Variants in FOXP1 observed in about 807,000 individuals in gnomAD.
FOXP1 encodes the protein forkhead box P1.
Under a neutral mutation model 98.2 loss-of-function variants are expected in FOXP1, and 15 were observed. That is an observed-to-expected ratio of 0.15 (90% CI 0.10 to 0.24). The LOEUF is 0.24. FOXP1 is among the 10% of genes least tolerant of loss of function. The pLI is 1.00. For synonymous variants in FOXP1, 371 were observed against 314.5 expected (o/e 1.18, Z -1.90); for missense variants, 633 against 848.5 (o/e 0.75, Z 3.15).
intron 12 of FOXP1, among the ~76,000 whole-genome samples, chr3:71,009,806 T>G (rs1046094183): frequency 6.6e-6 from 1 of 152,060 alleles, no homozygotes; most frequent in Non-Finnish European, 1.5e-5. Flanking sequence ...TACAGTACAG[T>G]GGCATTATCA....
At chr3:71,217,329 T>C (rs139824903) in intron 5 of FOXP1, among the ~76,000 whole-genome samples, 1 of 152,318 alleles carries the variant, frequency 6.6e-6, no homozygotes, top group African/African-American at 2.4e-5. Context: ...CGCCTTGGCC[T>C]CGCAAAGTGC....
chr3:71,525,413 G>T (rs1157505614), intron 2 of FOXP1, among the ~76,000 whole-genome samples: 1 of 152,170 alleles, frequency 6.6e-6, no homozygotes, highest in African/African-American at 2.4e-5. Flanking sequence ...GGTTTCACTG[G>T]CTGGGCAATC....
chr3:71,364,785 T>C (rs1307496447), intron 3 of FOXP1, among the ~76,000 whole-genome samples: 1 of 152,210 alleles, frequency 6.6e-6, no homozygotes, highest in Non-Finnish European at 1.5e-5. Context: ...TTCTTCATGA[T>C]TAAAAAAGAA....
intron 3 of FOXP1, among the ~76,000 whole-genome samples, chr3:71,474,733 C>T (rs13075890): frequency 0.027 from 4,031 of 151,990 alleles, 98 homozygotes; most frequent in Middle Eastern, 0.048. Flanking sequence ...CATCTAGTTG[C>T]AGGAAAACAA....
At chr3:71,549,860 TAAAAAAAAAAA>T (rs55826932) in intron 2 of FOXP1, among the ~76,000 whole-genome samples, 24 of 59,944 alleles carry the variant, frequency 4.0e-4, no homozygotes, top group South Asian at 2.3e-3. Context: ...ATGCTGGGAG[TAAAAAAAAAAA>T]AAAAAAAAAA....
chr3:71,445,774 G>A (rs909006335), intron 3 of FOXP1, among the ~76,000 whole-genome samples: 6 of 146,970 alleles, frequency 4.1e-5, no homozygotes, highest in African/African-American at 7.7e-5. Flanking sequence ...TGCAACCCCC[G>A]CCTCCTGGGT....
intron 12 of FOXP1, among the ~76,000 whole-genome samples, chr3:71,010,828 C>T: frequency 7.6e-6 from 1 of 131,216 alleles, no homozygotes; most frequent in East Asian, 2.7e-4. Context: ...TGACAATAAC[C>T]CCCCCTCCCC....
chr3:71,051,253 G>T (rs1176501053), intron 9 of FOXP1, among the ~76,000 whole-genome samples: 1 of 152,018 alleles, frequency 6.6e-6, no homozygotes, highest in Non-Finnish European at 1.5e-5. Flanking sequence ...AGCAGCACCC[G>T]GTAGAGCGCC....
At chr3:71,092,853 G>A (rs1350225888) in intron 7 of FOXP1, among the ~76,000 whole-genome samples, 1 of 152,046 alleles carries the variant, frequency 6.6e-6, no homozygotes, top group East Asian at 1.9e-4. Flanking sequence ...AGGATATAGA[G>A]AGACACGTGA....
intron 2 of FOXP1, among the ~76,000 whole-genome samples, chr3:71,494,263 T>C (rs1284753603): frequency 6.6e-6 from 1 of 152,238 alleles, no homozygotes; most frequent in African/African-American, 2.4e-5. Flanking sequence ...GGTCAGGGCA[T>C]TAACCGATGC....
chr3:70,955,213 C>T lies in FOXP1; in HGVS notation c.*4034G>A, dbSNP rs918153374. 7.7e-5 allele frequency: 18 copies of T among 232,448 alleles called. No individual in the cohort carries two copies. Among genetic ancestry groups the T allele is most frequent in the Non-Finnish European group, 1.4e-4 (16 of 117,614 alleles). The allele number at this position is 232,448 out of a possible 1,614,324, so 14.4% of individuals were successfully genotyped here. A position where few individuals can be genotyped will look rare whatever the true frequency, so the allele number is the denominator to read the frequency against. ...GGAAAAGAGAGGAAATATTTTTTAA[C>T]TCTATTTTTTTTCATGAGGAAAAAA... is the stretch of plus-strand genomic sequence containing the variant. On this transcript the variant is annotated 3_prime_UTR_variant, in exon 21 of 21. Coordinates refer to ENST00000649528, the MANE Select transcript of FOXP1 (RefSeq NM_001349338.3).
At chr3:70,961,653 T>C (rs886764211) in intron 20 of FOXP1, among the ~76,000 whole-genome samples, 2 of 151,984 alleles carry the variant, frequency 1.3e-5, no homozygotes, top group African/African-American at 2.4e-5. Context: ...ATGGCTGTAT[T>C]AGTGTTTCAG....
At chr3:71,309,370 G>A (rs1203727974) in intron 4 of FOXP1, among the ~76,000 whole-genome samples, 1 of 151,092 alleles carries the variant, frequency 6.6e-6, no homozygotes, top group Non-Finnish European at 1.5e-5. Context: ...ACACACTGTT[G>A]ACTTCACAAG....
intron 19 of FOXP1, chr3:70,969,105 G>C (rs1204064433): frequency 6.8e-6 from 1 of 148,100 alleles, no homozygotes; most frequent in Non-Finnish European, 1.5e-5. Flanking sequence ...AGAGAATTCA[G>C]AGGATGGAGG....
At chr3:71,203,083 A>T (rs2063775853) in intron 5 of FOXP1, among the ~76,000 whole-genome samples, 1 of 152,234 alleles carries the variant, frequency 6.6e-6, no homozygotes. Flanking sequence ...CTGAATACAA[A>T]GGTATGGCCA....
intron 5 of FOXP1, among the ~76,000 whole-genome samples, chr3:71,227,582 G>A (rs1392066813): frequency 6.6e-6 from 1 of 152,066 alleles, no homozygotes; most frequent in Non-Finnish European, 1.5e-5. Context: ...CTTACAGTCT[G>A]ACTTGTCACA....
chr3:71,530,597 C>T (rs559737491), intron 2 of FOXP1, among the ~76,000 whole-genome samples: 1 of 152,270 alleles, frequency 6.6e-6, no homozygotes, highest in Admixed American at 6.5e-5. Context: ...CACTCCCTAT[C>T]TGAAGGGGAA....
At chr3:71,530,973 AAGT>A (rs1560614221) in intron 2 of FOXP1, among the ~76,000 whole-genome samples, 1 of 152,232 alleles carries the variant, frequency 6.6e-6, no homozygotes, top group African/African-American at 2.4e-5. Context: ...ATGGAAATGG[AAGT>A]AGATCATAAT....
intron 5 of FOXP1, among the ~76,000 whole-genome samples, chr3:71,211,541 T>C (rs1433110806): frequency 9.2e-5 from 14 of 152,144 alleles, no homozygotes. Flanking sequence ...CCAGTTTACT[T>C]ATTTTATTCC....
Sources: gnomAD v4.1 joint callset for allele counts (sites outside exome capture counted in the v4.1 genomes callset) on GRCh38, gnomAD v4.1.1 for gene constraint, MANE v1.5 for transcripts, NCBI Gene and HGNC (gene_info 2026-07-23, HGNC 2026-07-21) for gene names.